CAPNS1: variants seen among roughly 807,000 people sequenced by gnomAD.
CAPNS1 encodes calpain small subunit 1.
A neutral mutation model predicts 39.2 loss-of-function variants in CAPNS1; 32 were observed. That is an observed-to-expected ratio of 0.82 (90% CI 0.62 to 1.10). The LOEUF (loss-of-function observed/expected upper bound fraction) is 1.10. CAPNS1 is among the 50% of genes least tolerant of loss of function. The pLI, the probability that CAPNS1 is intolerant of heterozygous loss-of-function variation, is 0.00. For synonymous variants in CAPNS1, 153 were observed against 136.2 expected, an observed-to-expected ratio of 1.12 and a Z score of -0.86; for missense variants, 353 against 373.1, an observed-to-expected ratio of 0.95 and a Z score of 0.44.
chr19:36,145,778 G>T (rs748021027), intron 6 of CAPNS1, 28 bp from the exon 7 acceptor site: 3 of 1,602,792 alleles, frequency 1.9e-6, no homozygotes, highest in Non-Finnish European at 2.6e-6. Flanking sequence ...GGGTGTAGCT[G>T]TCACTCTTCT....
At chr19:36,149,080 G>A (rs1208312647) in intron 9 of CAPNS1, among the ~76,000 whole-genome samples, 1 of 152,180 alleles carries the variant, frequency 6.6e-6, no homozygotes, top group East Asian at 1.9e-4. Context: ...AGGAGGCTGG[G>A]GCTGGGCAGA....
intron 2 of CAPNS1, 113 bp from the exon 3 acceptor site, chr19:36,142,187 C>G: frequency 1.3e-6 from 1 of 785,172 alleles, no homozygotes; most frequent in Non-Finnish European, 2.3e-6. Flanking sequence ...GCACAGCAAC[C>G]AAGTAAGGAA....
intron 4 of CAPNS1, 73 bp downstream of exon 4, chr19:36,142,814 A>G: frequency 1.3e-6 from 2 of 1,585,496 alleles, no homozygotes; most frequent in East Asian, 2.2e-5. Flanking sequence ...TTGCACACAC[A>G]CCCTTGACCA....
chr19:36,148,568 T>C (rs1555730771), intron 9 of CAPNS1, among the ~76,000 whole-genome samples: 1 of 147,968 alleles, frequency 6.8e-6, no homozygotes, highest in Non-Finnish European at 1.5e-5. Context: ...CCCAGCACTT[T>C]GGGAGGCCGA....
At chr19:36,148,140 T>C (rs1599884858) in intron 9 of CAPNS1, 1 of 149,750 alleles carries the variant, frequency 6.7e-6, no homozygotes, top group Non-Finnish European at 1.5e-5. Context: ...GCATGAAAAG[T>C]AACAGAGGAA....
chr19:36,145,725 C>G, intron 6 of CAPNS1, 81 bp from the exon 7 acceptor site: 7 of 1,247,194 alleles, frequency 5.6e-6, no homozygotes, highest in Non-Finnish European at 6.9e-6. Context: ...GCCCTGCTTG[C>G]TGTATCACCA....
Position 36,141,161 on chromosome 19 carries a change from A to AGGC in CAPNS1, c.156_158dup (p.Gly56dup). The AGGC allele has an allele frequency of 2.1e-6, 3 of 1,398,096 alleles. No homozygotes were observed. Among genetic ancestry groups the AGGC allele is most frequent in the Non-Finnish European group, 2.8e-6 (3 of 1,079,952 alleles). 86.6% of individuals were successfully genotyped at this position (1,398,096 alleles called of 1,614,324 possible). Reference sequence around the variant, plus strand: ...GCGGCGGCGGCGGCGGCGGTGGTGGAGGCGGCGGTGGCGGTGGAACGGCCA... The same window carrying AGGC: ...GCGGCGGCGGCGGCGGCGGTGGTGGAGGCGGCGGCGGTGGCGGTGGAACGGCCA... On this transcript the variant is annotated inframe_insertion, in exon 2 of 11. Coordinates refer to ENST00000246533, the MANE Select transcript of CAPNS1 (RefSeq NM_001749.4).
Position 36,145,962 on chromosome 19 carries a change from C to G in CAPNS1, c.526-14C>G, listed in dbSNP as rs1190638552. On this transcript the variant is annotated splice_polypyrimidine_tract_variant and intron_variant, in intron 7 of 10. Transcript: ENST00000246533. ...CACAATGCTCACTTGGACCCAATGTCTCTGTCCTCACAGGCCATATACAAA... is the reference window on the plus strand; with the variant it reads ...CACAATGCTCACTTGGACCCAATGTGTCTGTCCTCACAGGCCATATACAAA... 1 of 1,614,084 alleles carries G rather than the reference C, an allele frequency of 6.2e-7. No homozygotes were observed. Among genetic ancestry groups the G allele is most frequent in the Admixed American group, 1.7e-5 (1 of 60,024 alleles).
chr19:36,143,643 C>T (rs1202561505), intron 6 of CAPNS1, among the ~76,000 whole-genome samples: 4 of 149,602 alleles, frequency 2.7e-5, no homozygotes, highest in African/African-American at 7.4e-5. Flanking sequence ...GGGCGGATCA[C>T]GAGATCAGGA....
Position 36,149,813 on chromosome 19 carries a change from T to A in CAPNS1, c.781T>A (p.Trp261Arg). ...TCACTCTCCACCCTCCTCTCCCCAG[T>A]GGCTGCAGCTGACTATGTATTCCTG... ...TGQIQVNIQE[W>R]LQLTMYS The change falls in exon 11 of 11, where the codon TGG becomes AGG. Residue 261 changes from tryptophan to arginine, a missense_variant and splice_region_variant. Trp to Arg is a moderately radical substitution (Grantham distance 101). Transcript: ENST00000246533. 1 of 1,502,850 alleles carries A rather than the reference T, an allele frequency of 6.7e-7. No homozygotes were observed. 93.1% of individuals were successfully genotyped at this position (1,502,850 alleles called of 1,614,324 possible).
intron 9 of CAPNS1, chr19:36,147,910 TA>T (rs1974630695): frequency 1.3e-5 from 2 of 150,660 alleles, no homozygotes; most frequent in Non-Finnish European, 3.0e-5. Flanking sequence ...CCGCATCTAC[TA>T]ACGATACAAA....
At chr19:36,146,111 C>T (rs1225121911) in intron 8 of CAPNS1, 57 bp downstream of exon 8, 4 of 1,594,372 alleles carry the variant, frequency 2.5e-6, no homozygotes, top group Non-Finnish European at 1.7e-6. Context: ...AAAACCTCTA[C>T]TCAGCTGGTC....
At position 36,149,841 on chromosome 19, in the gene CAPNS1, C is replaced by A; in HGVS notation, c.*2C>A. 1 of 1,463,116 alleles carries A rather than the reference C, an allele frequency of 6.8e-7. No homozygotes were observed. The highest frequency in any genetic ancestry group is 1.5e-5 in the South Asian group (1 of 68,164). 90.6% of individuals were successfully genotyped at this position (1,463,116 alleles called of 1,614,324 possible). A position where few individuals can be genotyped will look rare whatever the true frequency, so the allele number is the denominator to read the frequency against. On this transcript the variant is annotated 3_prime_UTR_variant, in exon 11 of 11. Coordinates refer to ENST00000246533, the MANE Select transcript of CAPNS1 (RefSeq NM_001749.4). ...CTGCAGCTGACTATGTATTCCTGAA[C>A]TGGAGCCCCAGACCCGCCCCCTCAC...
At chr19:36,145,699 A>G in intron 6 of CAPNS1, 107 bp from the exon 7 acceptor site, 1 of 876,078 alleles carries the variant, frequency 1.1e-6, no homozygotes, top group Non-Finnish European at 1.8e-6. Context: ...CGGGAGCTGG[A>G]GTTTCAGCCC....
chr19:36,141,224 A>T lies in CAPNS1; in HGVS notation c.209+4A>T. 6.6e-7 allele frequency: 1 copy of T among 1,513,102 alleles called. No homozygotes were observed. The highest frequency in any genetic ancestry group is 8.8e-7 in the Non-Finnish European group (1 of 1,137,080). The allele number at this position is 1,513,102 out of a possible 1,614,324, so 93.7% of individuals were successfully genotyped here. On this transcript the variant is annotated splice_donor_region_variant and intron_variant, in intron 2 of 10. Coordinates refer to ENST00000246533, the MANE Select transcript of CAPNS1 (RefSeq NM_001749.4). The stretch of plus-strand genomic sequence containing the variant: ...GCGGAGTCATCAGCGCCATCAGGTA[A>T]GGCGGAGACTATCAGAGGGGCGGGG...
Position 36,141,155 on chromosome 19 carries a change from T to TGGAGGC in CAPNS1, c.146_147insAGGCGG (p.Gly55_Gly56dup). On this transcript the variant is annotated inframe_insertion, in exon 2 of 11. Transcript: ENST00000246533. The stretch of plus-strand genomic sequence containing the variant: ...GCGGCGGCGGCGGCGGCGGCGGCGG[T>TGGAGGC]GGTGGAGGCGGCGGTGGCGGTGGAA... 2.2e-6 allele frequency: 3 copies of TGGAGGC among 1,377,018 alleles called. No individual in the cohort carries two copies. Among genetic ancestry groups the TGGAGGC allele is most frequent in the Non-Finnish European group, 2.8e-6 (3 of 1,066,240 alleles). 85.3% of individuals were successfully genotyped at this position (1,377,018 alleles called of 1,614,324 possible). A position where few individuals can be genotyped will look rare whatever the true frequency, so the allele number is the denominator to read the frequency against.
Position 36,145,846 on chromosome 19 carries a change from A to G in CAPNS1, c.497A>G (p.Tyr166Cys), listed in dbSNP as rs1258880096. 1.2e-6 allele frequency: 2 copies of G among 1,614,062 alleles called. No homozygotes were observed. Among genetic ancestry groups the G allele is most frequent in the Non-Finnish European group, 1.7e-6 (2 of 1,180,030 alleles). The part of the protein sequence containing the change: ...TGKLGFEEFK[Y>C]LWNNIKRWQA... ...AAGCTGGGCTTTGAGGAATTCAAGTACTTGTGGAACAACATCAAAAGGTGG... is the reference window on the plus strand; with the variant it reads ...AAGCTGGGCTTTGAGGAATTCAAGTGCTTGTGGAACAACATCAAAAGGTGG... Residue 166 changes from tyrosine to cysteine, a missense_variant, in exon 7 of 11, where the codon TAC (tyrosine) becomes TGC (cysteine). By Grantham distance (194) the Tyr-to-Cys change is radical. Coordinates refer to ENST00000246533, the MANE Select transcript of CAPNS1 (RefSeq NM_001749.4).
intron 9 of CAPNS1, among the ~76,000 whole-genome samples, chr19:36,147,388 G>T (rs147978895): frequency 5.3e-4 from 80 of 152,306 alleles, no homozygotes; most frequent in South Asian, 3.9e-3. Flanking sequence ...AAGTTTGGGG[G>T]TGCTCAAACT....
chr19:36,145,667 A>C, intron 6 of CAPNS1, 139 bp from the exon 7 acceptor site: 1 of 633,208 alleles, frequency 1.6e-6, no homozygotes. Context: ...ACCGCACACC[A>C]GGTGATATGA....
Sources: gnomAD v4.1 joint callset for allele counts (sites outside exome capture counted in the v4.1 genomes callset) on GRCh38, gnomAD v4.1.1 for gene constraint, MANE v1.5 for transcripts, NCBI Gene and HGNC (gene_info 2026-07-23, HGNC 2026-07-21) for gene names.